Variants in PITPNC1 observed in about 807,000 individuals in gnomAD.
PITPNC1 encodes cytoplasmic phosphatidylinositol transfer protein 1.
Under a neutral mutation model 44.7 loss-of-function variants are expected in PITPNC1, and 18 were observed. The ratio of observed to expected loss-of-function variants is 0.40; its 90% CI spans 0.28 to 0.60. The LOEUF is 0.60. Among genes scored for constraint, PITPNC1 ranks in the 20% least tolerant of loss-of-function variants. PITPNC1 has a pLI of 0.39. For synonymous variants in PITPNC1, 141 were observed against 149.6 expected (o/e 0.94, Z 0.42); for missense variants, 290 against 418.4 (o/e 0.69, Z 2.68).
At chr17:67,477,987 T>C (rs919346937) in intron 1 of PITPNC1, among the ~76,000 whole-genome samples, 2 of 152,124 alleles carry the variant, frequency 1.3e-5, no homozygotes, top group African/African-American at 2.4e-5. Flanking sequence ...ACTGCTGGCT[T>C]CCCCGAGGAT....
chr17:67,603,413 A>T (rs984955322), intron 5 of PITPNC1, among the ~76,000 whole-genome samples: 3 of 152,236 alleles, frequency 2.0e-5, no homozygotes, highest in African/African-American at 7.2e-5. Context: ...TGAGCCCAGC[A>T]TCTTGCCAAC....
chr17:67,643,305 G>A (rs536039303), intron 6 of PITPNC1, among the ~76,000 whole-genome samples: 11 of 152,220 alleles, frequency 7.2e-5, no homozygotes, highest in Non-Finnish European at 1.2e-4. Context: ...AGAATTGCTT[G>A]AATCCGGGAG....
intron 6 of PITPNC1, among the ~76,000 whole-genome samples, chr17:67,643,990 C>T (rs1417933366): frequency 1.3e-5 from 2 of 152,142 alleles, no homozygotes; most frequent in Non-Finnish European, 1.5e-5. Context: ...AGGTGTGATA[C>T]CAATAGCTCC....
At chr17:67,467,868 G>C (rs553566277) in intron 1 of PITPNC1, among the ~76,000 whole-genome samples, 1 of 152,334 alleles carries the variant, frequency 6.6e-6, no homozygotes, top group East Asian at 1.9e-4. Context: ...AACTGACATG[G>C]TCCCTAATGT....
At chr17:67,466,897 T>C (rs921236853) in intron 1 of PITPNC1, among the ~76,000 whole-genome samples, 1 of 152,140 alleles carries the variant, frequency 6.6e-6, no homozygotes. Flanking sequence ...CAGCAAGCAA[T>C]CTAGCTCCTT....
intron 1 of PITPNC1, among the ~76,000 whole-genome samples, chr17:67,397,205 T>C (rs1381495877): frequency 6.6e-6 from 1 of 152,142 alleles, no homozygotes; most frequent in Non-Finnish European, 1.5e-5. Flanking sequence ...GGTCTCGAAC[T>C]CCTGACCTCA....
chr17:67,650,940 G>A (rs1434375325), intron 6 of PITPNC1, among the ~76,000 whole-genome samples: 2 of 152,168 alleles, frequency 1.3e-5, no homozygotes, highest in Admixed American at 6.6e-5. Context: ...TGCACCTTAT[G>A]AGTCAAACTC....
At chr17:67,410,677 A>G (rs1023201502) in intron 1 of PITPNC1, among the ~76,000 whole-genome samples, 1 of 151,874 alleles carries the variant, frequency 6.6e-6, no homozygotes, top group African/African-American at 2.4e-5. Context: ...TGAGCCACCA[A>G]CCGCACGGGC....
chr17:67,473,471 G>T (rs897415479), intron 1 of PITPNC1, among the ~76,000 whole-genome samples: 3 of 151,332 alleles, frequency 2.0e-5, no homozygotes, highest in Non-Finnish European at 3.0e-5. Context: ...TGGGACTACA[G>T]GCGCCCGCCA....
In PITPNC1 at chr17:67,547,787, G is replaced by T. The variant is rs1056667290; in HGVS notation, c.198-4470G>T. Among the ~76,000 whole-genome samples, 4 of 152,266 alleles carry T rather than the reference G, an allele frequency of 2.6e-5. No homozygotes were observed. The East Asian group carries it at 7.7e-4, about 29-fold the overall frequency. On this transcript the variant is annotated intron_variant, in intron 2 of 8. Transcript: ENST00000581322. ...GCTCCAGAAGCTCTTTATGAAGTAG[G>T]TAAACACCCATAACCTGAGACCAGT... is the stretch of plus-strand genomic sequence containing the variant.
At chr17:67,555,474 C>T (rs1304574847) in intron 4 of PITPNC1, among the ~76,000 whole-genome samples, 2 of 152,000 alleles carry the variant, frequency 1.3e-5, no homozygotes, top group African/African-American at 4.8e-5. Context: ...TTAAATGATT[C>T]CCTACCACCA....
intron 6 of PITPNC1, among the ~76,000 whole-genome samples, chr17:67,660,452 C>A (rs186199337): frequency 3.5e-4 from 54 of 152,244 alleles, no homozygotes; most frequent in Middle Eastern, 3.4e-3. Flanking sequence ...ATCAATTGAG[C>A]ACTTGCTACG....
chr17:67,692,964 GAA>G lies in PITPNC1; in HGVS notation c.*80_*81del. On this transcript the variant is annotated 3_prime_UTR_variant, in exon 9 of 9. Transcript: ENST00000581322. ...TTTTTTTTAAGAATCTTCTGATAGAGAAAAAGACTGCTTTGTCACTCAAACAT... is the reference window on the plus strand; with the variant it reads ...TTTTTTTTAAGAATCTTCTGATAGAGAAAGACTGCTTTGTCACTCAAACAT... The G allele has an allele frequency of 8.6e-6, 8 of 926,392 alleles. No individual in the cohort carries two copies. In the East Asian group the frequency reaches 9.7e-5, roughly 11 times the overall value. The allele number at this position is 926,392 out of a possible 1,614,324, so 57.4% of individuals were successfully genotyped here.
In PITPNC1 at chr17:67,676,651, T is replaced by G. The variant is rs1328370591; in HGVS notation, c.682+1109T>G. ...TCTGAGTATAACCTAGATTGCATTT[T>G]GGTCCTTTTCTGTCATTGTTTCACC... On this transcript the variant is annotated intron_variant, in intron 8 of 8. Coordinates refer to ENST00000581322, the MANE Select transcript of PITPNC1 (RefSeq NM_012417.4). This position sits in a 1 kb window ranked among gnomAD's most constrained non-coding sequence, Gnocchi z 4.0. 6.6e-6 allele frequency among the ~76,000 whole-genome samples: 1 copy of G among 152,176 alleles called. No individual in the cohort carries two copies. Among genetic ancestry groups the G allele is most frequent in the Non-Finnish European group, 1.5e-5 (1 of 68,034 alleles).
At chr17:67,384,021 G>C (rs749035372) in intron 1 of PITPNC1, among the ~76,000 whole-genome samples, 6 of 152,100 alleles carry the variant, frequency 3.9e-5, no homozygotes, top group Non-Finnish European at 8.8e-5. Flanking sequence ...TGGGCAACAA[G>C]AGCAAAACTC....
chr17:67,383,743 T>C (rs2143781917), intron 1 of PITPNC1, among the ~76,000 whole-genome samples: 1 of 152,292 alleles, frequency 6.6e-6, no homozygotes, highest in African/African-American at 2.4e-5. Flanking sequence ...CTTTCTTTAC[T>C]GTTTAACCGT....
At chr17:67,633,680 C>T (rs572043349) in intron 6 of PITPNC1, among the ~76,000 whole-genome samples, 1 of 152,386 alleles carries the variant, frequency 6.6e-6, no homozygotes, top group East Asian at 1.9e-4. Context: ...GGGCCACTGA[C>T]CTTCCCCTTG....
At chr17:67,493,294 C>T (rs1056184595) in intron 1 of PITPNC1, among the ~76,000 whole-genome samples, 6 of 152,160 alleles carry the variant, frequency 3.9e-5, no homozygotes, top group African/African-American at 1.2e-4. Context: ...GAAAGCACAC[C>T]AGTTTCTGGG....
chr17:67,589,890 C>T (rs550663563), intron 5 of PITPNC1, among the ~76,000 whole-genome samples: 1 of 152,186 alleles, frequency 6.6e-6, no homozygotes, highest in South Asian at 2.1e-4. Flanking sequence ...ATCTCTTGAA[C>T]CCAGGAGGTG....
Sources: allele counts gnomAD v4.1 joint callset (sites outside exome capture counted in the v4.1 genomes callset), GRCh38; gene constraint gnomAD v4.1.1; non-coding constraint Gnocchi (gnomAD v3.1); transcripts MANE v1.5; gene names NCBI Gene and HGNC (gene_info 2026-07-23, HGNC 2026-07-21).